The following CCDC28A variants were observed in gnomAD, a reference collection of about 807,000 sequenced individuals.
The protein encoded by CCDC28A is coiled-coil domain-containing protein 28A.
In CCDC28A, 24 loss-of-function variants were observed where a neutral mutation model predicts 22.1. That is an observed-to-expected ratio of 1.09 (90% CI 0.79 to 1.53). The LOEUF (loss-of-function observed/expected upper bound fraction) is 1.53, where lower values mean the gene tolerates loss of function less well. CCDC28A is among the 40% of genes most tolerant of loss of function. The probability of loss-of-function intolerance (pLI) is 0.00; values close to 1 mark genes in which losing one functional copy is unlikely to be tolerated. For synonymous variants in CCDC28A, 83 were observed against 74.7 expected (o/e 1.11, Z -0.57); for missense variants, 170 against 210.7 (o/e 0.81, Z 1.20).
chr6:138,791,702 G>A (rs1044632093), intron 5 of CCDC28A, among the ~76,000 whole-genome samples: 4 of 152,094 alleles, frequency 2.6e-5, no homozygotes, highest in African/African-American at 7.2e-5. Flanking sequence ...TCCTTATCAC[G>A]TTACATTCAA....
At chr6:138,790,812 A>G (rs1052950561) in intron 5 of CCDC28A, among the ~76,000 whole-genome samples, 6 of 152,204 alleles carry the variant, frequency 3.9e-5, no homozygotes, top group Non-Finnish European at 7.4e-5. Flanking sequence ...TTGAGCCTGG[A>G]TCTGGATATG....
At chr6:138,778,969 T>C (rs1774978027) in intron 2 of CCDC28A, among the ~76,000 whole-genome samples, 1 of 152,172 alleles carries the variant, frequency 6.6e-6, no homozygotes, top group South Asian at 2.1e-4. Context: ...GGTTTTGCCA[T>C]GTTGGCCAGG....
At chr6:138,788,313 A>G in intron 4 of CCDC28A, 53 bp from the exon 5 acceptor site, 2 of 640,520 alleles carry the variant, frequency 3.1e-6, no homozygotes, top group East Asian at 3.4e-5. Context: ...GTTAACAACT[A>G]TTTATATTGA....
At chr6:138,775,670 GA>G (rs1043242301) in intron 1 of CCDC28A, among the ~76,000 whole-genome samples, 1 of 152,204 alleles carries the variant, frequency 6.6e-6, no homozygotes, top group African/African-American at 2.4e-5. Context: ...AAGGCCACCT[GA>G]AGCTTGAATC....
In CCDC28A at chr6:138,779,868, G is replaced by A. The variant is rs373017825; in HGVS notation, c.205G>A (p.Ala69Thr). The A allele has an allele frequency of 1.4e-5, 23 of 1,613,504 alleles. No individual in the cohort carries two copies. The highest frequency in any genetic ancestry group is 2.7e-5 in the African/African-American group (2 of 74,872). Residue 69 changes from alanine to threonine, a missense_variant, in exon 3 of 6, where the codon GCT becomes ACT. Transcript: ENST00000617445. ...TKPQGGEGKGAQSTPIQHSFL... is the reference protein window; with the variant it reads ...TKPQGGEGKGTQSTPIQHSFL... ...ACCTCAGGGTGGAGAGGGCAAAGGC[G>A]CTCAGTCAACTCCGATCCAGCACTC...
chr6:138,774,635 A>G (rs1473044410), intron 1 of CCDC28A, among the ~76,000 whole-genome samples: 2 of 152,250 alleles, frequency 1.3e-5, no homozygotes, highest in African/African-American at 4.8e-5. Flanking sequence ...GCGTCAGCCA[A>G]TTTAAGCTCA....
intron 2 of CCDC28A, 22 bp from the exon 3 acceptor site, chr6:138,779,800 C>T (rs2114902715): frequency 3.2e-6 from 5 of 1,582,796 alleles, no homozygotes; most frequent in Non-Finnish European, 4.3e-6. Flanking sequence ...CCTAAAAAGC[C>T]TAAATTTCAT....
At chr6:138,789,580 T>C (rs1775140197) in intron 5 of CCDC28A, among the ~76,000 whole-genome samples, 1 of 152,168 alleles carries the variant, frequency 6.6e-6, no homozygotes, top group Non-Finnish European at 1.5e-5. Flanking sequence ...ATCCCAGCAC[T>C]GTGGGAGGCT....
At chr6:138,777,984 T>G (rs1237060862) in intron 2 of CCDC28A, among the ~76,000 whole-genome samples, 1 of 152,170 alleles carries the variant, frequency 6.6e-6, no homozygotes, top group Non-Finnish European at 1.5e-5. Context: ...AGCTCACAAG[T>G]GAGATTGATT....
chr6:138,776,384 G>C, intron 2 of CCDC28A, 106 bp downstream of exon 2: 4 of 874,588 alleles, frequency 4.6e-6, no homozygotes, highest in Non-Finnish European at 7.3e-6. Context: ...TTTTAAAACA[G>C]TTGAGGCACC....
chr6:138,774,721 A>T (rs1335598672), intron 1 of CCDC28A, among the ~76,000 whole-genome samples: 1 of 152,264 alleles, frequency 6.6e-6, no homozygotes, highest in Non-Finnish European at 1.5e-5. Context: ...TTCATCAAAT[A>T]ATTATTTTAA....
chr6:138,792,772 C>T lies in CCDC28A; in HGVS notation c.524C>T (p.Ala175Val). ...AGACAAAAACTCCATTTGGCAGATGCACAAGATGTTCCAAATACTTCTGCT... is the reference window on the plus strand; with the variant it reads ...AGACAAAAACTCCATTTGGCAGATGTACAAGATGTTCCAAATACTTCTGCT... ...SSIQKLHLAD[A>V]QDVPNTSAS The change falls in exon 6 of 6, where the codon GCA (alanine) becomes GTA (valine). Residue 175 changes from alanine to valine, a missense_variant. Coordinates refer to ENST00000617445, the MANE Select transcript of CCDC28A (RefSeq NM_015439.3). 3 of 1,608,548 alleles carry T rather than the reference C, an allele frequency of 1.9e-6. No homozygotes were observed. Among genetic ancestry groups the T allele is most frequent in the South Asian group, 1.1e-5 (1 of 90,922 alleles).
chr6:138,774,035 C>T (rs551699768), intron 1 of CCDC28A, 133 bp downstream of exon 1: 1 of 1,086,750 alleles, frequency 9.2e-7, no homozygotes, highest in African/African-American at 1.6e-5. Flanking sequence ...GAGGTGATGT[C>T]AAGAGGGATG....
At chr6:138,779,144 G>A (rs1774980913) in intron 2 of CCDC28A, among the ~76,000 whole-genome samples, 1 of 152,186 alleles carries the variant, frequency 6.6e-6, no homozygotes, top group African/African-American at 2.4e-5. Flanking sequence ...GCCCGGTGGG[G>A]AGAGAAGGGA....
chr6:138,784,703 T>C (rs1211734922), intron 3 of CCDC28A, among the ~76,000 whole-genome samples: 1 of 151,828 alleles, frequency 6.6e-6, no homozygotes, highest in Non-Finnish European at 1.5e-5. Context: ...TATGCTCTTT[T>C]TTTTTTTTTG....
intron 3 of CCDC28A, among the ~76,000 whole-genome samples, chr6:138,781,988 A>G (rs1248249536): frequency 6.6e-6 from 1 of 152,236 alleles, no homozygotes; most frequent in African/African-American, 2.4e-5. Context: ...TTATTTCACA[A>G]AAATACTTTA....
chr6:138,774,630 A>T (rs888894044), intron 1 of CCDC28A, among the ~76,000 whole-genome samples: 23 of 152,252 alleles, frequency 1.5e-4, no homozygotes, highest in African/African-American at 5.5e-4. Context: ...GTCTAGCGTC[A>T]GCCAATTTAA....
At chr6:138,789,730 C>T (rs755685671) in intron 5 of CCDC28A, among the ~76,000 whole-genome samples, 37 of 152,128 alleles carry the variant, frequency 2.4e-4, no homozygotes, top group Non-Finnish European at 4.4e-5. Context: ...GAGGCTGAGG[C>T]AGGAGAATTG....
At chr6:138,780,175 T>G (rs1363611073) in intron 3 of CCDC28A, among the ~76,000 whole-genome samples, 190 bp downstream of exon 3, 1 of 148,926 alleles carries the variant, frequency 6.7e-6, no homozygotes, top group South Asian at 2.1e-4. Flanking sequence ...GGGAAAAAGT[T>G]TTTTTTTAAG....
Sources: gnomAD v4.1 joint callset for allele counts (sites outside exome capture counted in the v4.1 genomes callset) on GRCh38, gnomAD v4.1.1 for gene constraint, MANE v1.5 for transcripts, NCBI Gene and HGNC (gene_info 2026-07-23, HGNC 2026-07-21) for gene names.